CEP57L1: variants seen among roughly 807,000 people sequenced by gnomAD.
CEP57L1 encodes centrosomal protein CEP57L1.
Under a neutral mutation model 61.0 loss-of-function variants are expected in CEP57L1, and 37 were observed. The ratio of observed to expected loss-of-function variants is 0.61; its 90% CI spans 0.47 to 0.80. The LOEUF (loss-of-function observed/expected upper bound fraction) is 0.80. CEP57L1 is among the 30% of genes least tolerant of loss of function. The pLI, the probability that CEP57L1 is intolerant of heterozygous loss-of-function variation, is 0.00. For missense variants in CEP57L1, 422 were observed against 524.7 expected, an observed-to-expected ratio of 0.80 and a Z score of 1.91; for synonymous variants, 137 against 162.3, an observed-to-expected ratio of 0.84 and a Z score of 1.19.
intron 1 of CEP57L1, among the ~76,000 whole-genome samples, chr6:109,107,558 G>C (rs1583379038): frequency 6.6e-6 from 1 of 152,002 alleles, no homozygotes; most frequent in East Asian, 1.9e-4. Context: ...AGAGCATTAA[G>C]GTATTCATAA....
At chr6:109,101,616 CTTTTTTCTTT>C (rs1256987054) in intron 1 of CEP57L1, among the ~76,000 whole-genome samples, 1 of 126,526 alleles carries the variant, frequency 7.9e-6, no homozygotes, top group African/African-American at 2.8e-5. Context: ...TTTTCTTTTT[CTTTTTTCTTT>C]TTTTTTTTTT....
intron 1 of CEP57L1, among the ~76,000 whole-genome samples, chr6:109,133,811 G>A (rs1774482889): frequency 6.6e-6 from 1 of 152,180 alleles, no homozygotes; most frequent in Non-Finnish European, 1.5e-5. Flanking sequence ...AGAAAATCTA[G>A]AAGAAACGGA....
In CEP57L1 at chr6:109,146,827, A is replaced by G; in HGVS notation, c.230A>G (p.Glu77Gly). Reference sequence around the variant, plus strand: ...TTAGAGCTGGAGAGAACACAAGCTGAAGATAACCTGAACATTCTTTCCAGA... The same window carrying G: ...TTAGAGCTGGAGAGAACACAAGCTGGAGATAACCTGAACATTCTTTCCAGA... Reference protein sequence around the residue: ...HRLELERTQAEDNLNILSREA... With the variant: ...HRLELERTQAGDNLNILSREA... The change falls in exon 3 of 11, where the codon GAA becomes GGA. Residue 77 changes from glutamate (E) to glycine (G), a missense_variant. By Grantham distance (98) the Glu-to-Gly change is moderately conservative. Transcript: ENST00000517392. 6.2e-7 allele frequency: 1 copy of G among 1,610,794 alleles called. No individual in the cohort carries two copies. Among genetic ancestry groups the G allele is most frequent in the Non-Finnish European group, 8.5e-7 (1 of 1,178,362 alleles).
chr6:109,162,128 C>T (rs1773767787), intron 10 of CEP57L1, among the ~76,000 whole-genome samples: 1 of 152,000 alleles, frequency 6.6e-6, no homozygotes, highest in African/African-American at 2.4e-5. Flanking sequence ...TTCAGGAATA[C>T]ACAAAAGTGT....
chr6:109,102,256 G>GGCACAATC, intron 1 of CEP57L1, among the ~76,000 whole-genome samples: 1 of 152,084 alleles, frequency 6.6e-6, no homozygotes, highest in Non-Finnish European at 1.5e-5. Context: ...GGAGTGCAGT[G>GGCACAATC]TTGCTTTCAT....
Position 109,165,003 on chromosome 6 carries a change from G to A in CEP57L1, c.*2033G>A, listed in dbSNP as rs1290504201. Among the ~76,000 whole-genome samples, 2 of 151,604 alleles carry A rather than the reference G, an allele frequency of 1.3e-5. No individual in the cohort carries two copies. Among genetic ancestry groups the A allele is most frequent in the African/African-American group, 4.9e-5 (2 of 41,214 alleles). On this transcript the variant is annotated 3_prime_UTR_variant, in exon 11 of 11. Transcript: ENST00000517392. Reference sequence around the variant, plus strand: ...TGAGGCAGGGGAATCGCTTGAACCTGGGAGATGGAGGTTGCAGTGAGCTGA... The same window carrying A: ...TGAGGCAGGGGAATCGCTTGAACCTAGGAGATGGAGGTTGCAGTGAGCTGA...
intron 1 of CEP57L1, among the ~76,000 whole-genome samples, chr6:109,110,105 G>A (rs566198367): frequency 6.6e-6 from 1 of 152,270 alleles, no homozygotes; most frequent in Admixed American, 6.5e-5. Context: ...GATCCTTGAG[G>A]AATCGCCACA....
At chr6:109,129,236 A>T (rs572492957) in intron 1 of CEP57L1, 9 of 556,494 alleles carry the variant, frequency 1.6e-5, no homozygotes, top group Non-Finnish European at 2.2e-5. Flanking sequence ...GAAACTCCAA[A>T]TCTATCCAAT....
chr6:109,105,388 G>A (rs187616686), intron 1 of CEP57L1, among the ~76,000 whole-genome samples: 15 of 152,172 alleles, frequency 9.9e-5, no homozygotes, highest in Admixed American at 4.6e-4. Flanking sequence ...ATATTTTACC[G>A]TGTGGATAGC....
intron 1 of CEP57L1, among the ~76,000 whole-genome samples, chr6:109,116,168 T>TGTTAC (rs1457432184): frequency 6.6e-6 from 1 of 151,144 alleles, no homozygotes; most frequent in Admixed American, 6.6e-5. Flanking sequence ...TGTTATGTTA[T>TGTTAC]GTTATGTTAT....
intron 3 of CEP57L1, among the ~76,000 whole-genome samples, chr6:109,147,381 G>A (rs1772083850): frequency 6.6e-6 from 1 of 152,136 alleles, no homozygotes; most frequent in African/African-American, 2.4e-5. Flanking sequence ...TTTATTTAAT[G>A]AGAGGAAAGC....
chr6:109,134,074 C>G (rs1774518457), intron 1 of CEP57L1, among the ~76,000 whole-genome samples: 1 of 152,174 alleles, frequency 6.6e-6, no homozygotes, highest in African/African-American at 2.4e-5. Flanking sequence ...AGGCCAGCAT[C>G]ATCCTGCTAC....
At chr6:109,154,482 T>C (rs769043166) in intron 5 of CEP57L1, among the ~76,000 whole-genome samples, 3 of 152,166 alleles carry the variant, frequency 2.0e-5, no homozygotes, top group Non-Finnish European at 4.4e-5. Context: ...TCAAGTTATT[T>C]CCTTGCTTTG....
intron 1 of CEP57L1, among the ~76,000 whole-genome samples, chr6:109,119,690 A>G (rs897606105): frequency 6.6e-6 from 1 of 152,232 alleles, no homozygotes; most frequent in Non-Finnish European, 1.5e-5. Context: ...TGCAAACTCC[A>G]AAGTGATATT....
chr6:109,103,884 T>A, intron 1 of CEP57L1, among the ~76,000 whole-genome samples: 1 of 152,108 alleles, frequency 6.6e-6, no homozygotes, highest in African/African-American at 2.4e-5. Flanking sequence ...TACATGAATA[T>A]ATACATATAT....
In CEP57L1 at chr6:109,174,094, G is replaced by A. The variant is rs1774530787; in HGVS notation, c.*11124G>A. Among the ~76,000 whole-genome samples, 2 of 118,976 alleles carry A rather than the reference G, an allele frequency of 1.7e-5. No individual in the cohort carries two copies. Among genetic ancestry groups the A allele is most frequent in the Admixed American group, 1.6e-4 (2 of 12,864 alleles). 78.1% of individuals were successfully genotyped at this position (118,976 alleles called of 152,430 possible). Reference sequence around the variant, plus strand: ...CAGCCTGAGCCATAGAGTGAGTCTTGGTCTCAAAAAAAAAAAAAAACCTTG... The same window carrying A: ...CAGCCTGAGCCATAGAGTGAGTCTTAGTCTCAAAAAAAAAAAAAAACCTTG... On this transcript the variant is annotated 3_prime_UTR_variant, in exon 11 of 11. Coordinates refer to ENST00000517392, the MANE Select transcript of CEP57L1 (RefSeq NM_001271852.3).
intron 1 of CEP57L1, among the ~76,000 whole-genome samples, chr6:109,138,740 C>T (rs530133466): frequency 1.1e-4 from 16 of 152,204 alleles, no homozygotes; most frequent in African/African-American, 2.9e-4. Context: ...TAAGTATGAC[C>T]GCCTTTTATC....
At chr6:109,113,357 G>A (rs59836386) in intron 1 of CEP57L1, among the ~76,000 whole-genome samples, 2,971 of 151,852 alleles carry the variant, frequency 0.02, 93 homozygotes, top group African/African-American at 0.068. Flanking sequence ...TCATTTACTC[G>A]TTTACCTCAT....
At position 109,163,994 on chromosome 6, in the gene CEP57L1, GA is replaced by G. The variant is rs765673614; in HGVS notation, c.*1026del. Reference sequence around the variant, plus strand: ...GAGGCAACTGGGGAACTAGAGTCATGAACTGAATTAGAAATAGAGGACAGAG... The same window carrying G: ...GAGGCAACTGGGGAACTAGAGTCATGACTGAATTAGAAATAGAGGACAGAG... On this transcript the variant is annotated 3_prime_UTR_variant, in exon 11 of 11. Coordinates refer to ENST00000517392, the MANE Select transcript of CEP57L1 (RefSeq NM_001271852.3). 1.3e-5 allele frequency: 2 copies of G among 152,112 alleles called. No homozygotes were observed. Among genetic ancestry groups the G allele is most frequent in the Non-Finnish European group, 2.9e-5 (2 of 68,018 alleles). 9.4% of individuals were successfully genotyped at this position (152,112 alleles called of 1,614,324 possible).
Sources: gnomAD v4.1 joint callset for allele counts (sites outside exome capture counted in the v4.1 genomes callset) on GRCh38, gnomAD v4.1.1 for gene constraint, MANE v1.5 for transcripts, NCBI Gene and HGNC (gene_info 2026-07-23, HGNC 2026-07-21) for gene names.